The following GALNT11 variants were observed in gnomAD, a reference collection of about 807,000 sequenced individuals.
GALNT11 encodes UDP-GalNAc:polypeptide N-acetylgalactosaminyltransferase 11.
GALNT11 carries 47 observed loss-of-function variants against 72.7 expected under a neutral mutation model. That is an observed-to-expected ratio of 0.65 (90% CI 0.51 to 0.82). GALNT11 has a LOEUF of 0.82. Ranked by LOEUF, GALNT11 falls within the 40% of genes least tolerant of loss-of-function variation. The probability of loss-of-function intolerance (pLI) is 0.00; values close to 1 mark genes in which losing one functional copy is unlikely to be tolerated. For missense variants in GALNT11, 677 were observed against 778.4 expected, an observed-to-expected ratio of 0.87 and a Z score of 1.55; for synonymous variants, 270 against 286.6, an observed-to-expected ratio of 0.94 and a Z score of 0.58.
At chr7:152,101,649 G>A (rs558123420) in intron 3 of GALNT11, among the ~76,000 whole-genome samples, 2 of 146,530 alleles carry the variant, frequency 1.4e-5, no homozygotes, top group Non-Finnish European at 3.0e-5. Flanking sequence ...TTTTGGGGGG[G>A]GGGGGATGGA....
At chr7:152,112,278 C>G (rs901979924) in intron 7 of GALNT11, among the ~76,000 whole-genome samples, 1 of 152,200 alleles carries the variant, frequency 6.6e-6, no homozygotes, top group East Asian at 1.9e-4. Flanking sequence ...TGGTGGCTCA[C>G]GCCTATAATC....
chr7:152,122,295 T>G lies in GALNT11; in HGVS notation c.*618T>G, dbSNP rs1370078356. ...ATGGCAGTTAATTATAAAATTATTT[T>G]GATGAATTATGATACAATCTACATA... On this transcript the variant is annotated 3_prime_UTR_variant, in exon 12 of 12. Coordinates refer to ENST00000430044, the MANE Select transcript of GALNT11 (RefSeq NM_022087.4). The G allele has an allele frequency of 6.6e-6, 1 of 152,240 alleles. No individual in the cohort carries two copies. The highest frequency in any genetic ancestry group is 2.4e-5 in the African/African-American group (1 of 41,440). 9.4% of individuals were successfully genotyped at this position (152,240 alleles called of 1,614,324 possible).
At chr7:152,096,071 T>G (rs1032071612) in intron 2 of GALNT11, among the ~76,000 whole-genome samples, 1 of 152,214 alleles carries the variant, frequency 6.6e-6, no homozygotes, top group Non-Finnish European at 1.5e-5. Flanking sequence ...GCCAAGGAGC[T>G]GCAAGATTTG....
At position 152,121,512 on chromosome 7, in the gene GALNT11, T is replaced by C. The variant is rs748171958; in HGVS notation, c.1696-34T>C. The stretch of plus-strand genomic sequence containing the variant: ...TGGATTTCCATGTTTTGCCAGTAAT[T>C]GGCAGTATTTTTTTGTTGCTACCTT... On this transcript the variant is annotated intron_variant, in intron 11 of 11. Transcript: ENST00000430044. 4 of 1,596,756 alleles carry C rather than the reference T, an allele frequency of 2.5e-6. No homozygotes were observed. In the South Asian group the frequency reaches 3.4e-5, roughly 14 times the overall value.
intron 1 of GALNT11, among the ~76,000 whole-genome samples, chr7:152,078,709 A>T (rs2085133840): frequency 2.6e-5 from 4 of 152,166 alleles, no homozygotes; most frequent in Admixed American, 6.6e-5. Context: ...TTCTGCTGAG[A>T]GTAAGTGTTT....
chr7:152,118,816 C>A, intron 10 of GALNT11, 34 bp downstream of exon 10: 1 of 1,551,350 alleles, frequency 6.4e-7, no homozygotes, highest in South Asian at 1.2e-5. Context: ...AGCCAGTGTC[C>A]GCAAGGAGGC....
rs147464952 is a variant in GALNT11, at chr7:152,110,643, C to T, written c.1078C>T (p.Arg360Trp). The T allele has an allele frequency of 2.0e-5, 32 of 1,588,436 alleles. No individual in the cohort carries two copies. Among genetic ancestry groups the T allele is most frequent in the African/African-American group, 4.0e-5 (3 of 74,218 alleles). ...WGGENLEISF[R>W]IWMCGGKLFI... is the part of the protein sequence containing the mutation. Reference sequence around the variant, plus strand: ...AGGAGAAAATTTGGAAATATCATTTCGGGTAATTTAATTTTTGCATGCTCA... The same window carrying T: ...AGGAGAAAATTTGGAAATATCATTTTGGGTAATTTAATTTTTGCATGCTCA... Residue 360 changes from arginine to tryptophan, a missense_variant and splice_region_variant, in exon 7 of 12, where the codon CGG becomes TGG. Coordinates refer to ENST00000430044, the MANE Select transcript of GALNT11 (RefSeq NM_022087.4).
intron 1 of GALNT11, among the ~76,000 whole-genome samples, chr7:152,028,901 C>G (rs1014545382): frequency 6.6e-6 from 1 of 152,142 alleles, no homozygotes; most frequent in African/African-American, 2.4e-5. Flanking sequence ...CCATCTGTAG[C>G]TTGATGGTCT....
At chr7:152,108,688 T>G (rs1407131002) in intron 6 of GALNT11, among the ~76,000 whole-genome samples, 2 of 152,350 alleles carry the variant, frequency 1.3e-5, no homozygotes, top group African/African-American at 4.8e-5. Context: ...AGCCTTTTCT[T>G]TCATTAGGAT....
At chr7:152,085,816 C>T (rs941359770) in intron 1 of GALNT11, among the ~76,000 whole-genome samples, 8 of 151,948 alleles carry the variant, frequency 5.3e-5, no homozygotes, top group Non-Finnish European at 7.4e-5. Context: ...TGGGTTCAAG[C>T]GATGCTCAGA....
chr7:152,113,920 T>G (rs1587469849), intron 8 of GALNT11, among the ~76,000 whole-genome samples: 2 of 63,654 alleles, frequency 3.1e-5, no homozygotes, highest in Non-Finnish European at 2.4e-5. Context: ...TTAAAAAGTG[T>G]TTTTTTTTTT....
intron 8 of GALNT11, among the ~76,000 whole-genome samples, chr7:152,115,514 A>C (rs1242966979): frequency 6.6e-6 from 1 of 152,238 alleles, no homozygotes; most frequent in East Asian, 1.9e-4. Context: ...TGGTTCAAGG[A>C]AAAACACTTG....
rs552393662 is a variant in GALNT11, at chr7:152,055,844, T to C, written c.-39+29960T>C. On this transcript the variant is annotated intron_variant, in intron 1 of 11. Coordinates refer to ENST00000430044, the MANE Select transcript of GALNT11 (RefSeq NM_022087.4). ...CATTTTGTTTTGTGATAATTGTAGA[T>C]TCACATGTAATTATAAGAAATAATA... Among the ~76,000 whole-genome samples, 9 of 152,238 alleles carry C rather than the reference T, an allele frequency of 5.9e-5. No homozygotes were observed. The South Asian group carries it at 1.5e-3, about 25-fold the overall frequency.
At chr7:152,053,571 T>C (rs2083500524) in intron 1 of GALNT11, among the ~76,000 whole-genome samples, 1 of 152,252 alleles carries the variant, frequency 6.6e-6, no homozygotes, top group Non-Finnish European at 1.5e-5. Flanking sequence ...GAAGTTTGCT[T>C]CAGGATATGC....
At position 152,073,632 on chromosome 7, in the gene GALNT11, A is replaced by G. The variant is rs902884845; in HGVS notation, c.-38-20558A>G. The stretch of plus-strand genomic sequence containing the variant: ...GATGTAGATGTCTCTTCGATATACC[A>G]ATTTCCTTTCCTTTGGATAAATGCC... On this transcript the variant is annotated intron_variant, in intron 1 of 11. Transcript: ENST00000430044. Among the ~76,000 whole-genome samples the G allele has an allele frequency of 5.3e-5, 8 of 152,180 alleles. No individual in the cohort carries two copies. In the East Asian group the frequency reaches 1.5e-3, roughly 29 times the overall value.
chr7:152,115,555 C>A (rs191924280), intron 8 of GALNT11, among the ~76,000 whole-genome samples: 1 of 152,152 alleles, frequency 6.6e-6, no homozygotes, highest in Non-Finnish European at 1.5e-5. Context: ...GCGGAGCTAG[C>A]GGCTGCTCTC....
chr7:152,027,118 A>G (rs7782402), intron 1 of GALNT11, among the ~76,000 whole-genome samples: 23,472 of 151,992 alleles, frequency 0.15, 4,344 homozygotes, highest in African/African-American at 0.44. Flanking sequence ...GCGTGGTGGC[A>G]GGCGCCTGTA....
chr7:152,070,212 G>A (rs1488159027), intron 1 of GALNT11, among the ~76,000 whole-genome samples: 1 of 152,010 alleles, frequency 6.6e-6, no homozygotes, highest in African/African-American at 2.4e-5. Flanking sequence ...TAGCCAGGAT[G>A]GTCTCGATCT....
Position 152,121,402 on chromosome 7 carries a change from T to A in GALNT11, c.1696-144T>A. ...ATATCTTATTGTATTGTGCTGCAGA[T>A]AACAAACAGCAGAAAACTAACCTTT... On this transcript the variant is annotated intron_variant, in intron 11 of 11. Coordinates refer to ENST00000430044, the MANE Select transcript of GALNT11 (RefSeq NM_022087.4). 4.5e-6 allele frequency: 4 copies of A among 886,520 alleles called. No homozygotes were observed. In the Admixed American group the frequency reaches 8.9e-5, roughly 20 times the overall value. 54.9% of individuals were successfully genotyped at this position (886,520 alleles called of 1,614,324 possible). A position where few individuals can be genotyped will look rare whatever the true frequency, so the allele number is the denominator to read the frequency against.
Sources: gnomAD v4.1 joint callset for allele counts (sites outside exome capture counted in the v4.1 genomes callset) on GRCh38, gnomAD v4.1.1 for gene constraint, MANE v1.5 for transcripts, NCBI Gene and HGNC (gene_info 2026-07-23, HGNC 2026-07-21) for gene names.